ELL: variants seen among roughly 807,000 people sequenced by gnomAD.
ELL encodes RNA polymerase II elongation factor ELL.
In ELL, 18 loss-of-function variants were observed where a neutral mutation model predicts 64.0. The observed-to-expected ratio is 0.28, with a 90% confidence interval of 0.19 to 0.42. The LOEUF (loss-of-function observed/expected upper bound fraction) is 0.42. Among genes scored for constraint, ELL ranks in the 10% least tolerant of loss-of-function variants. ELL has a pLI of 1.00. For missense variants in ELL, 797 were observed against 870.4 expected, an observed-to-expected ratio of 0.92 and a Z score of 1.06; for synonymous variants, 399 against 376.2, an observed-to-expected ratio of 1.06 and a Z score of -0.70.
At chr19:18,463,090 A>G (rs1019100268) in intron 4 of ELL, among the ~76,000 whole-genome samples, 1 of 152,100 alleles carries the variant, frequency 6.6e-6, no homozygotes, top group Non-Finnish European at 1.5e-5. Flanking sequence ...CCTTCCCCCA[A>G]AAGCTCTTCG....
chr19:18,451,098 C>A (rs374846370), intron 7 of ELL, 123 bp from the exon 8 acceptor site: 4 of 1,321,138 alleles, frequency 3.0e-6, no homozygotes, highest in South Asian at 1.9e-5. Context: ...CACATGGGGG[C>A]GCCCGAGCAC....
chr19:18,492,502 G>A (rs1975554052), intron 1 of ELL, among the ~76,000 whole-genome samples: 1 of 152,220 alleles, frequency 6.6e-6, no homozygotes, highest in South Asian at 2.1e-4. Flanking sequence ...AACGATGGCT[G>A]TGCTGCTATC....
chr19:18,482,791 T>TTGTTGTTGTTGC (rs1555735602), intron 1 of ELL, among the ~76,000 whole-genome samples: 1 of 91,374 alleles, frequency 1.1e-5, no homozygotes, highest in East Asian at 2.5e-4. Flanking sequence ...GTTGTTGTTG[T>TTGTTGTTGTTGC]TGTTGCTGCT....
At chr19:18,463,985 CAA>C (rs35433498) in intron 4 of ELL, among the ~76,000 whole-genome samples, 2 of 138,860 alleles carry the variant, frequency 1.4e-5, no homozygotes, top group Admixed American at 7.2e-5. Flanking sequence ...GACTCCATCT[CAA>C]AAAAAAAAAA....
intron 2 of ELL, among the ~76,000 whole-genome samples, chr19:18,469,368 G>C (rs992425085): frequency 6.6e-6 from 1 of 152,230 alleles, no homozygotes; most frequent in Non-Finnish European, 1.5e-5. Flanking sequence ...CGGGACCGTG[G>C]GGAAGCCAGC....
intron 1 of ELL, among the ~76,000 whole-genome samples, chr19:18,487,010 C>T (rs572716747): frequency 4.6e-5 from 7 of 152,346 alleles, no homozygotes; most frequent in Admixed American, 1.3e-4. Flanking sequence ...CAGCTACATG[C>T]CATGCTGACA....
At chr19:18,458,472 C>T in intron 5 of ELL, 143 bp from the exon 6 acceptor site, 1 of 1,314,934 alleles carries the variant, frequency 7.6e-7, no homozygotes, top group East Asian at 2.6e-5. Flanking sequence ...AGAGGATGGC[C>T]CACTACCGAT....
chr19:18,509,876 C>G (rs749808442), intron 1 of ELL, among the ~76,000 whole-genome samples: 6 of 152,224 alleles, frequency 3.9e-5, no homozygotes, highest in Admixed American at 1.3e-4. Context: ...CACTTCTCAC[C>G]TGGAAGAGAC....
In ELL at chr19:18,465,471, G is replaced by T; in HGVS notation, c.410C>A (p.Ala137Glu). 1 of 1,612,558 alleles carries T rather than the reference G, an allele frequency of 6.2e-7. No individual in the cohort carries two copies. Among genetic ancestry groups the T allele is most frequent in the Non-Finnish European group, 8.5e-7 (1 of 1,179,066 alleles). Residue 137 changes from alanine (A) to glutamate (E), a missense_variant, in exon 4 of 12, where the codon GCG (alanine) becomes GAG (glutamate). Coordinates refer to ENST00000262809, the MANE Select transcript of ELL (RefSeq NM_006532.4). ...ACTTCGGCTCCGCGTCTCCTCCTCC[G>T]CCTGGGCCATGCTCTGCCGCGCCTT... ...YQKARQSMAQ[A>E]EEETRSRSAI... is the part of the protein sequence containing the mutation.
intron 1 of ELL, among the ~76,000 whole-genome samples, chr19:18,489,780 A>G (rs1232861124): frequency 6.6e-6 from 1 of 152,084 alleles, no homozygotes; most frequent in African/African-American, 2.4e-5. Flanking sequence ...GTGAGGGCTC[A>G]CTGGGGCCCC....
chr19:18,492,563 T>G (rs1021365838), intron 1 of ELL, among the ~76,000 whole-genome samples: 1 of 152,190 alleles, frequency 6.6e-6, no homozygotes, highest in Non-Finnish European at 1.5e-5. Flanking sequence ...GACTCGCTAC[T>G]CAATCTCATT....
intron 1 of ELL, among the ~76,000 whole-genome samples, chr19:18,504,375 C>T (rs1975841571): frequency 2.0e-5 from 3 of 152,216 alleles, no homozygotes; most frequent in East Asian, 1.9e-4. Context: ...ATCCATGACG[C>T]GTGGCTTGCT....
chr19:18,492,394 T>C (rs1158817588), intron 1 of ELL, among the ~76,000 whole-genome samples: 1 of 152,218 alleles, frequency 6.6e-6, no homozygotes, highest in Admixed American at 6.5e-5. Flanking sequence ...CTGTTTTTCA[T>C]AAACTAAAAC....
intron 2 of ELL, 101 bp from the exon 3 acceptor site, chr19:18,466,019 A>G (rs1176013629): frequency 1.7e-6 from 2 of 1,144,350 alleles, no homozygotes; most frequent in Admixed American, 4.2e-5. Context: ...CCCTCACAAC[A>G]GGAATGTGCT....
Position 18,505,160 on chromosome 19 carries a change from G to A in ELL, c.135+16761C>T, listed in dbSNP as rs539284909. 3.3e-5 allele frequency among the ~76,000 whole-genome samples: 5 copies of A among 152,232 alleles called. No homozygotes were observed. The East Asian group carries it at 9.6e-4, about 29-fold the overall frequency. ...ATACCAGGACATCAGGGGAACACAA[G>A]CCACTGTCCCGTAGCCCCCACTCCT... On this transcript the variant is annotated intron_variant, in intron 1 of 11. Transcript: ENST00000262809.
chr19:18,519,821 AAAAGAAAG>A (rs56926583), intron 1 of ELL, among the ~76,000 whole-genome samples: 190 of 139,272 alleles, frequency 1.4e-3, no homozygotes, highest in African/African-American at 2.5e-3. Flanking sequence ...AAAAAAAAAA[AAAAGAAAG>A]AAAGAAAGAA....
chr19:18,458,992 G>A (rs1317663174), intron 5 of ELL, among the ~76,000 whole-genome samples: 2 of 152,126 alleles, frequency 1.3e-5, no homozygotes, highest in Admixed American at 6.5e-5. Flanking sequence ...GGGCTCAAGC[G>A]ATCCTCTTGC....
rs1185294433 is a variant in ELL, at chr19:18,450,989, G to A, written c.967-14C>T. The A allele has an allele frequency of 6.6e-7, 1 of 1,514,880 alleles. No individual in the cohort carries two copies. Among genetic ancestry groups the A allele is most frequent in the African/African-American group, 1.4e-5 (1 of 71,600 alleles). 93.8% of individuals were successfully genotyped at this position (1,514,880 alleles called of 1,614,324 possible). ...CTGCAGCCGCTTCTGGAGAGGAGCA[G>A]AGATCATTTTAGAGGGGAGCACAGA... On this transcript the variant is annotated splice_polypyrimidine_tract_variant and intron_variant, in intron 7 of 11. Coordinates refer to ENST00000262809, the MANE Select transcript of ELL (RefSeq NM_006532.4).
intron 1 of ELL, among the ~76,000 whole-genome samples, chr19:18,495,814 T>C (rs1975639031): frequency 6.6e-6 from 1 of 152,176 alleles, no homozygotes; most frequent in Non-Finnish European, 1.5e-5. Flanking sequence ...GACCAAGACC[T>C]GGGCTGTAGG....
Sources: gnomAD v4.1 joint callset for allele counts (sites outside exome capture counted in the v4.1 genomes callset) on GRCh38, gnomAD v4.1.1 for gene constraint, MANE v1.5 for transcripts, NCBI Gene and HGNC (gene_info 2026-07-23, HGNC 2026-07-21) for gene names.